The following RARB variants were observed in gnomAD, a reference collection of about 807,000 sequenced individuals.
The protein encoded by RARB is retinoic acid receptor beta.
RARB carries 17 observed loss-of-function variants against 51.9 expected under a neutral mutation model. That is an observed-to-expected ratio of 0.33 (90% CI 0.22 to 0.49). The LOEUF (loss-of-function observed/expected upper bound fraction) is 0.49, where lower values mean the gene tolerates loss of function less well. RARB is among the 20% of genes least tolerant of loss of function. RARB has a pLI of 0.99. For synonymous variants in RARB, 215 were observed against 195.4 expected, an observed-to-expected ratio of 1.10 and a Z score of -0.84; for missense variants, 369 against 550.8, an observed-to-expected ratio of 0.67 and a Z score of 3.30.
intron 5 of RARB, among the ~76,000 whole-genome samples, chr3:25,591,384 C>G (rs1036383088): frequency 6.6e-6 from 1 of 152,166 alleles, no homozygotes; most frequent in African/African-American, 2.4e-5. Flanking sequence ...ATGTGCTGCA[C>G]AAAAGTGCCC....
intron 1 of RARB, among the ~76,000 whole-genome samples, chr3:25,430,094 C>T (rs925993992): frequency 1.3e-5 from 2 of 152,060 alleles, no homozygotes; most frequent in African/African-American, 2.4e-5. Flanking sequence ...CTTCTTGGGC[C>T]GGGAAATCAA....
At chr3:25,269,001 A>G (rs1263226250) in intron 5 of RARB, among the ~76,000 whole-genome samples, 1 of 152,220 alleles carries the variant, frequency 6.6e-6, no homozygotes, top group Non-Finnish European at 1.5e-5. Flanking sequence ...GATTTGAGCA[A>G]TAAATGGATA....
chr3:25,186,803 G>GA (rs1700987165), intron 5 of RARB, among the ~76,000 whole-genome samples: 3 of 150,570 alleles, frequency 2.0e-5, no homozygotes, highest in East Asian at 2.0e-4. Context: ...ATTAACATCA[G>GA]AAAAAACATA....
intron 5 of RARB, among the ~76,000 whole-genome samples, chr3:25,258,443 G>A (rs559020566): frequency 4.6e-5 from 7 of 152,182 alleles, no homozygotes; most frequent in African/African-American, 1.7e-4. Context: ...CTGCTGGGAG[G>A]TTTGCTTGAT....
chr3:25,478,190 A>G (rs1431512099), intron 2 of RARB, among the ~76,000 whole-genome samples: 1 of 152,148 alleles, frequency 6.6e-6, no homozygotes, highest in East Asian at 1.9e-4. Context: ...GTCAAATTCT[A>G]TTGGTTAAAG....
At chr3:24,939,014 A>G (rs1394869482) in intron 2 of RARB, among the ~76,000 whole-genome samples, 1 of 150,576 alleles carries the variant, frequency 6.6e-6, no homozygotes, top group Non-Finnish European at 1.5e-5. Context: ...ACAGAGTCTC[A>G]CTCTGTTCCC....
At chr3:25,322,282 A>G (rs1704593891) in intron 5 of RARB, among the ~76,000 whole-genome samples, 1 of 152,186 alleles carries the variant, frequency 6.6e-6, no homozygotes, top group African/African-American at 2.4e-5. Flanking sequence ...TAAGCCATAG[A>G]GGGATAAGTG....
chr3:25,101,619 T>G (rs1699401589), intron 3 of RARB, among the ~76,000 whole-genome samples: 1 of 151,992 alleles, frequency 6.6e-6, no homozygotes, highest in Non-Finnish European at 1.5e-5. Flanking sequence ...CAACATTTAT[T>G]TAACTATCCT....
At chr3:25,407,822 T>C (rs1036565987) in intron 5 of RARB, among the ~76,000 whole-genome samples, 5 of 151,968 alleles carry the variant, frequency 3.3e-5, no homozygotes, top group African/African-American at 1.2e-4. Context: ...CTGGAAGTGT[T>C]AGAAAATTAA....
intron 2 of RARB, among the ~76,000 whole-genome samples, chr3:24,878,310 G>T (rs181481769): frequency 1.5e-4 from 22 of 151,256 alleles, no homozygotes; most frequent in Middle Eastern, 3.4e-3. Context: ...CACGCAATTG[G>T]ATTTTGTTTT....
intron 2 of RARB, among the ~76,000 whole-genome samples, chr3:25,014,174 C>T (rs1238017056): frequency 6.6e-6 from 1 of 152,058 alleles, no homozygotes; most frequent in South Asian, 2.1e-4. Flanking sequence ...ACATGTTCTT[C>T]ACTTTCGCAT....
At chr3:24,861,752 C>G (rs190067905) in intron 2 of RARB, among the ~76,000 whole-genome samples, 2 of 152,122 alleles carry the variant, frequency 1.3e-5, no homozygotes, top group African/African-American at 2.4e-5. Flanking sequence ...TGATATCACA[C>G]GTCATGTAGC....
At position 25,597,838 on chromosome 3, in the gene RARB, G is replaced by GAGAT. The variant is rs1178886792; in HGVS notation, c.*1223_*1226dup. 1 of 151,630 alleles carries GAGAT rather than the reference G, an allele frequency of 6.6e-6. No individual in the cohort carries two copies. Among genetic ancestry groups the GAGAT allele is most frequent in the East Asian group, 1.9e-4 (1 of 5,164 alleles). The allele number at this position is 151,630 out of a possible 1,614,324, so 9.4% of individuals were successfully genotyped here. A position where few individuals can be genotyped will look rare whatever the true frequency, so the allele number is the denominator to read the frequency against. On this transcript the variant is annotated 3_prime_UTR_variant, in exon 8 of 8. Transcript: ENST00000330688. ...CTTTCACTGGCTCTGTTTGTACATT[G>GAGAT]AGATTGTTTGTTTAACAATGCTTTC...
At chr3:25,126,017 AT>A (rs1293686240) in intron 3 of RARB, among the ~76,000 whole-genome samples, 1 of 152,226 alleles carries the variant, frequency 6.6e-6, no homozygotes, top group Non-Finnish European at 1.5e-5. Context: ...TTAGCTCTGT[AT>A]AAATGGTTCC....
intron 2 of RARB, among the ~76,000 whole-genome samples, chr3:24,926,283 T>TA (rs34061118): frequency 6.6e-6 from 1 of 151,456 alleles, no homozygotes; most frequent in Non-Finnish European, 1.5e-5. Context: ...GGAGAGTGTG[T>TA]AAAATTGAAG....
chr3:25,479,634 C>T (rs574519734), intron 2 of RARB, among the ~76,000 whole-genome samples: 345 of 152,298 alleles, frequency 2.3e-3, no homozygotes, highest in Non-Finnish European at 3.9e-3. Flanking sequence ...TGAATTGTTA[C>T]TTTGTTAGTC....
In RARB at chr3:25,105,641, T is replaced by C. The variant is rs115861258; in HGVS notation, c.-327-26520T>C. ...AATTTGCACTCTCTTGACATTTCCT[T>C]GCTGTGTCAGGGGAAGCAGCTTCTT... On this transcript the variant is annotated intron_variant, in intron 3 of 11. Transcript: ENST00000383772. Among the ~76,000 whole-genome samples the C allele has an allele frequency of 5.6e-3, 848 of 152,310 alleles. 7 individuals are homozygous for C. Among genetic ancestry groups the C allele is most frequent in the African/African-American group, 0.019 (797 of 41,582 alleles).
At chr3:25,503,922 C>T (rs971920638) in intron 3 of RARB, among the ~76,000 whole-genome samples, 2 of 152,200 alleles carry the variant, frequency 1.3e-5, no homozygotes, top group African/African-American at 2.4e-5. Flanking sequence ...AGAAAGATGA[C>T]ACGGTTCTCC....
At chr3:24,937,836 T>G (rs1433285817) in intron 2 of RARB, among the ~76,000 whole-genome samples, 1 of 151,994 alleles carries the variant, frequency 6.6e-6, no homozygotes, top group African/African-American at 2.4e-5. Context: ...AATAAAGAGA[T>G]TTTAATCCCA....
Sources: allele counts gnomAD v4.1 joint callset (sites outside exome capture counted in the v4.1 genomes callset), GRCh38; gene constraint gnomAD v4.1.1; transcripts MANE v1.5; gene names NCBI Gene and HGNC (gene_info 2026-07-23, HGNC 2026-07-21).